The following RABGAP1L variants were observed in gnomAD, a reference collection of about 807,000 sequenced individuals.
RABGAP1L encodes RAB GTPase activating protein 1 like.
Under a neutral mutation model 137.7 loss-of-function variants are expected in RABGAP1L, and 63 were observed. That is an observed-to-expected ratio of 0.46 (90% CI 0.37 to 0.56). The LOEUF is 0.56. Ranked by LOEUF, RABGAP1L falls within the 20% of genes least tolerant of loss-of-function variation. The pLI, the probability that RABGAP1L is intolerant of heterozygous loss-of-function variation, is 0.00. For missense variants in RABGAP1L, 1,095 were observed against 1,244.0 expected (o/e 0.88, Z 1.80); for synonymous variants, 431 against 433.7 (o/e 0.99, Z 0.08).
intron 10 of RABGAP1L, among the ~76,000 whole-genome samples, chr1:174,291,074 A>G (rs905191062): frequency 1.3e-5 from 2 of 152,038 alleles, no homozygotes; most frequent in Non-Finnish European, 2.9e-5. Context: ...TAGATTCTTA[A>G]TGCTTTCTCT....
intron 3 of RABGAP1L, among the ~76,000 whole-genome samples, chr1:174,230,621 G>A (rs892934533): frequency 1.3e-5 from 2 of 152,104 alleles, no homozygotes; most frequent in South Asian, 2.1e-4. Flanking sequence ...ATCTGTGAGG[G>A]AAGCCATCTG....
intron 13 of RABGAP1L, among the ~76,000 whole-genome samples, chr1:174,620,767 C>A (rs1026392312): frequency 2.6e-5 from 4 of 151,760 alleles, no homozygotes; most frequent in Non-Finnish European, 5.9e-5. Flanking sequence ...TAGCGGAAGG[C>A]AAAATATAAC....
chr1:174,781,636 T>C (rs185187968), intron 18 of RABGAP1L, among the ~76,000 whole-genome samples: 7 of 152,354 alleles, frequency 4.6e-5, no homozygotes, highest in Admixed American at 1.3e-4. Flanking sequence ...CATGAAGTCC[T>C]TGCCCATGCT....
chr1:174,428,014 T>C (rs954143420), intron 13 of RABGAP1L, among the ~76,000 whole-genome samples: 6 of 152,208 alleles, frequency 3.9e-5, no homozygotes, highest in African/African-American at 7.2e-5. Flanking sequence ...GATCTTCTAG[T>C]GAATACATCC....
At chr1:174,850,711 A>T (rs1409519486) in intron 19 of RABGAP1L, among the ~76,000 whole-genome samples, 2 of 152,198 alleles carry the variant, frequency 1.3e-5, no homozygotes, top group Admixed American at 1.3e-4. Flanking sequence ...TTCTGTGATT[A>T]TGTTTTGCCA....
intron 13 of RABGAP1L, among the ~76,000 whole-genome samples, chr1:174,610,672 C>G (rs991786640): frequency 1.1e-4 from 16 of 152,174 alleles, no homozygotes; most frequent in Admixed American, 7.2e-4. Flanking sequence ...GTCCCACCAA[C>G]AGTGTAAAAG....
chr1:174,650,135 T>G (rs991034301), intron 14 of RABGAP1L, among the ~76,000 whole-genome samples: 2 of 152,220 alleles, frequency 1.3e-5, no homozygotes, highest in African/African-American at 4.8e-5. Context: ...CTGGATTACA[T>G]TTATTGATTT....
At position 174,448,297 on chromosome 1, in the gene RABGAP1L, C is replaced by G. The variant is rs757050983; in HGVS notation, c.1710+54152C>G. The G allele has an allele frequency of 2.5e-6, 4 of 1,612,978 alleles. No homozygotes were observed. The highest frequency in any genetic ancestry group is 3.4e-6 in the Non-Finnish European group (4 of 1,179,112). On this transcript the variant is annotated intron_variant, in intron 13 of 25. Coordinates refer to ENST00000681986, the MANE Select transcript of RABGAP1L (RefSeq NM_001366446.1). The surrounding 1 kb of genome is among the most constrained non-coding windows in gnomAD (Gnocchi z 4.2). ...TCATTGCTGGGAATCTAACAGTTAT[C>G]TTTGTCTTTCATTGTGCTCCACTGT...
chr1:174,290,115 C>G (rs1676453329), intron 10 of RABGAP1L, among the ~76,000 whole-genome samples: 1 of 152,156 alleles, frequency 6.6e-6, no homozygotes, highest in Non-Finnish European at 1.5e-5. Flanking sequence ...GAAACCTAGA[C>G]ACCCAGTACT....
intron 13 of RABGAP1L, among the ~76,000 whole-genome samples, chr1:174,409,278 A>C (rs1410514220): frequency 2.0e-5 from 3 of 152,178 alleles, no homozygotes; most frequent in Non-Finnish European, 4.4e-5. Context: ...TCTTTACTGC[A>C]ATCTCTGAAC....
Position 174,283,395 on chromosome 1 carries a change from A to G in RABGAP1L, c.1323+4616A>G, listed in dbSNP as rs148105523. Reference sequence around the variant, plus strand: ...GCACTCCAGCCTGGGCCACAGAGTGACACCCCATCTCTAAAAAATAATAAT... The same window carrying G: ...GCACTCCAGCCTGGGCCACAGAGTGGCACCCCATCTCTAAAAAATAATAAT... On this transcript the variant is annotated intron_variant, in intron 10 of 25. Coordinates refer to ENST00000681986, the MANE Select transcript of RABGAP1L (RefSeq NM_001366446.1). Among the ~76,000 whole-genome samples the G allele has an allele frequency of 6.7e-3, 1,021 of 152,134 alleles. 13 individuals carry two copies. Among genetic ancestry groups the G allele is most frequent in the African/African-American group, 0.023 (960 of 41,474 alleles).
At chr1:174,534,373 T>C (rs1664705531) in intron 13 of RABGAP1L, among the ~76,000 whole-genome samples, 1 of 152,146 alleles carries the variant, frequency 6.6e-6, no homozygotes, top group South Asian at 2.1e-4. Context: ...TGTCTAAAAC[T>C]AGATTAGTAC....
chr1:174,361,232 T>G (rs1192107955), intron 11 of RABGAP1L, among the ~76,000 whole-genome samples: 2 of 151,926 alleles, frequency 1.3e-5, no homozygotes, highest in Non-Finnish European at 2.9e-5. Context: ...TTTGTTTTTT[T>G]TTTTTTTTGC....
chr1:174,538,276 G>A (rs1665054183), intron 13 of RABGAP1L, among the ~76,000 whole-genome samples: 1 of 152,174 alleles, frequency 6.6e-6, no homozygotes, highest in Admixed American at 6.6e-5. Context: ...CCTAGGAGTA[G>A]TAATTTTTCT....
intron 11 of RABGAP1L, among the ~76,000 whole-genome samples, chr1:174,341,179 G>C (rs530098066): frequency 6.6e-6 from 1 of 152,150 alleles, no homozygotes; most frequent in East Asian, 1.9e-4. Context: ...TGGATAGATA[G>C]TTCTTTCTTA....
rs567716572 is a variant in RABGAP1L at position 174,282,215 on chromosome 1, C to T, written c.1323+3436C>T. 1.2e-3 allele frequency among the ~76,000 whole-genome samples: 187 copies of T among 152,278 alleles called. 1 individual carries two copies. Among genetic ancestry groups the T allele is most frequent in the African/African-American group, 4.4e-3 (182 of 41,550 alleles). ...GGTATGGTAAGTAGAAACTGCCAAA[C>T]TGTTTTCTACAGTGCTTGACCACTT... is the stretch of plus-strand genomic sequence containing the variant. On this transcript the variant is annotated intron_variant, in intron 10 of 25. Transcript: ENST00000681986.
intron 18 of RABGAP1L, among the ~76,000 whole-genome samples, chr1:174,804,747 C>G (rs184522397): frequency 6.6e-6 from 1 of 152,314 alleles, no homozygotes; most frequent in East Asian, 1.9e-4. Context: ...GTTGATTATA[C>G]ATACACAAAT....
At chr1:174,384,837 A>T (rs1445930821) in intron 12 of RABGAP1L, among the ~76,000 whole-genome samples, 1 of 152,242 alleles carries the variant, frequency 6.6e-6, no homozygotes, top group African/African-American at 2.4e-5. Context: ...TTACCACTAC[A>T]GATTTCTGTC....
At chr1:174,406,312 A>G (rs964658453) in intron 13 of RABGAP1L, among the ~76,000 whole-genome samples, 3 of 152,194 alleles carry the variant, frequency 2.0e-5, no homozygotes, top group Admixed American at 1.3e-4. Context: ...GATATATTCT[A>G]TTATTAGTAA....
Sources: allele counts gnomAD v4.1 joint callset (sites outside exome capture counted in the v4.1 genomes callset), GRCh38; gene constraint gnomAD v4.1.1; non-coding constraint Gnocchi (gnomAD v3.1); transcripts MANE v1.5; gene names NCBI Gene and HGNC (gene_info 2026-07-23, HGNC 2026-07-21).